The following C4orf51 variants were observed in gnomAD, a reference collection of about 807,000 sequenced individuals.
The protein encoded by C4orf51 is chromosome 4 open reading frame 51, also known as uncharacterized protein C4orf51.
In C4orf51, 25 loss-of-function variants were observed where a neutral mutation model predicts 25.2. That is an observed-to-expected ratio of 0.99 (90% CI 0.72 to 1.39). C4orf51 has a LOEUF of 1.39. Among genes scored for constraint, C4orf51 ranks in the 40% most tolerant of loss-of-function variants. The probability of loss-of-function intolerance (pLI) is 0.00; values close to 1 mark genes in which losing one functional copy is unlikely to be tolerated. For synonymous variants in C4orf51, 100 were observed against 84.5 expected (o/e 1.18, Z -1.01); for missense variants, 252 against 239.6 (o/e 1.05, Z -0.34).
chr4:145,732,393 C>A, intron 5 of C4orf51, 60 bp from the exon 6 acceptor site: 1 of 1,035,408 alleles, frequency 9.7e-7, no homozygotes, highest in South Asian at 1.4e-5. Flanking sequence ...ATTCCCAATT[C>A]TGTGGAAAAG....
intron 1 of C4orf51, among the ~76,000 whole-genome samples, chr4:145,739,161 T>C (rs1057171060): frequency 1.3e-5 from 2 of 152,258 alleles, no homozygotes; most frequent in East Asian, 1.9e-4. Context: ...CTTTCTTTTA[T>C]GGCTAATAGC....
the C4orf51 span, among the ~76,000 whole-genome samples, chr4:145,785,159 G>A: frequency 2.0e-3 from 300 of 152,252 alleles, 1 homozygote; most frequent in African/African-American, 6.8e-3. Context: ...TAAGGAGAAC[G>A]ATCTCATCTT....
intron 1 of C4orf51, among the ~76,000 whole-genome samples, chr4:145,688,638 C>T (rs1299452846): frequency 6.6e-6 from 1 of 152,178 alleles, no homozygotes; most frequent in Non-Finnish European, 1.5e-5. Context: ...GAGGCCTCTC[C>T]AGCCATGTGG....
At chr4:145,699,465 C>T (rs934027611) in intron 2 of C4orf51, among the ~76,000 whole-genome samples, 5 of 151,962 alleles carry the variant, frequency 3.3e-5, no homozygotes, top group South Asian at 4.2e-4. Context: ...CCTCACTATC[C>T]GTCAACCTCT....
At chr4:145,693,807 C>A (rs1729792740) in intron 1 of C4orf51, among the ~76,000 whole-genome samples, 1 of 73,198 alleles carries the variant, frequency 1.4e-5, no homozygotes, top group Non-Finnish European at 2.7e-5. Flanking sequence ...GCGCCCCTCA[C>A]CTCCCGGACG....
Position 145,752,344 on chromosome 4 carries a change from A to G in C4orf51, n.168-1863A>G, listed in dbSNP as rs546432530. 1.3e-4 allele frequency among the ~76,000 whole-genome samples: 20 copies of G among 152,292 alleles called. No individual in the cohort carries two copies. In the South Asian group the frequency reaches 3.1e-3, roughly 24 times the overall value. ...ATCGCTGCTGGTTATGCAGGACCCA[A>G]GGGATCTTTAGTCAGCAGGTGATGA... is the stretch of plus-strand genomic sequence containing the variant. On this transcript the variant is annotated intron_variant and non_coding_transcript_variant, in intron 1 of 1. Coordinates refer to the C4orf51 transcript ENST00000508981.
At chr4:145,727,057 G>T (rs1431545682) in intron 3 of C4orf51, 88 bp downstream of exon 3, 37 of 1,066,070 alleles carry the variant, frequency 3.5e-5, no homozygotes, top group Non-Finnish European at 4.4e-5. Flanking sequence ...AAACAAAAGG[G>T]GTTAAATTTT....
In C4orf51 at chr4:145,765,858, G is replaced by T; in HGVS notation, n.167-5130G>T. The T allele has an allele frequency of 9.9e-7, 1 of 1,010,514 alleles. No individual in the cohort carries two copies. The highest frequency in any genetic ancestry group is 1.4e-6 in the Non-Finnish European group (1 of 707,468). 62.6% of individuals were successfully genotyped at this position (1,010,514 alleles called of 1,614,324 possible). ...CATCATTCTGGGGGCACAGGCTCAT[G>T]TCCCCAGCTCCCCCACTGCTGGGGG... On this transcript the variant is annotated intron_variant and non_coding_transcript_variant, in intron 1 of 1. Coordinates refer to the C4orf51 transcript ENST00000510096. The surrounding 1 kb of genome is among the most constrained non-coding windows in gnomAD (Gnocchi z 4.7).
At chr4:145,751,657 T>TTA (rs1733683360) in intron 1 of C4orf51, among the ~76,000 whole-genome samples, 1 of 152,176 alleles carries the variant, frequency 6.6e-6, no homozygotes, top group African/African-American at 2.4e-5. Flanking sequence ...GTACTTATGT[T>TTA]TGCTCAGGGC....
At position 145,765,871 on chromosome 4, in the gene C4orf51, C is replaced by G; in HGVS notation, n.167-5117C>G. On this transcript the variant is annotated intron_variant and non_coding_transcript_variant, in intron 1 of 1. Coordinates refer to the C4orf51 transcript ENST00000510096. This position sits in a 1 kb window ranked among gnomAD's most constrained non-coding sequence, Gnocchi z 4.7. ...GCACAGGCTCATGTCCCCAGCTCCC[C>G]CACTGCTGGGGGATCCCAGGTCCTA... 1.1e-6 allele frequency: 1 copy of G among 887,008 alleles called. No individual in the cohort carries two copies. The highest frequency in any genetic ancestry group is 1.9e-5 in the South Asian group (1 of 52,844). 54.9% of individuals were successfully genotyped at this position (887,008 alleles called of 1,614,324 possible).
intron 3 of C4orf51, among the ~76,000 whole-genome samples, chr4:145,728,047 T>C (rs200240286): frequency 2.1e-3 from 275 of 133,344 alleles, no homozygotes; most frequent in East Asian, 0.011. Flanking sequence ...AATATATATA[T>C]ACACACACAC....
chr4:145,751,404 T>G (rs1733667493), intron 1 of C4orf51, among the ~76,000 whole-genome samples: 1 of 152,188 alleles, frequency 6.6e-6, no homozygotes, highest in Non-Finnish European at 1.5e-5. Flanking sequence ...AGGTACCGCC[T>G]TGGTGATCTT....
chr4:145,761,456 G>C lies in C4orf51; in HGVS notation n.167-9532G>C. On this transcript the variant is annotated intron_variant and non_coding_transcript_variant, in intron 1 of 1. Coordinates refer to the C4orf51 transcript ENST00000510096. This position sits in a 1 kb window ranked among gnomAD's most constrained non-coding sequence, Gnocchi z 6.8. ...CACTTGTAGTGGTTGCCCAGGCGGT[G>C]CTCCCGGGTGTGCGTCTCCAGCTCC... The C allele has an allele frequency of 1.6e-6, 2 of 1,289,866 alleles. No individual in the cohort carries two copies. The highest frequency in any genetic ancestry group is 2.0e-6 in the Non-Finnish European group (2 of 988,874). The allele number at this position is 1,289,866 out of a possible 1,614,324, so 79.9% of individuals were successfully genotyped here. A position where few individuals can be genotyped will look rare whatever the true frequency, so the allele number is the denominator to read the frequency against.
intron 2 of C4orf51, among the ~76,000 whole-genome samples, chr4:145,709,057 G>T (rs1312304619): frequency 2.0e-5 from 3 of 152,162 alleles, no homozygotes; most frequent in African/African-American, 7.2e-5. Flanking sequence ...CTCATGGGAA[G>T]CCTTCATATG....
At chr4:145,741,689 T>A (rs1733108000) in intron 1 of C4orf51, among the ~76,000 whole-genome samples, 2 of 152,082 alleles carry the variant, frequency 1.3e-5, no homozygotes, top group African/African-American at 2.4e-5. Context: ...TTTCTTTTTT[T>A]CTTTTCTTTT....
chr4:145,759,265 T>G (rs778646222), downstream of C4orf51: 2 of 152,242 alleles, frequency 1.3e-5, no homozygotes, highest in Non-Finnish European at 2.9e-5. Context: ...ATGAACATAT[T>G]CAGCCAAAGA....
At chr4:145,729,490 A>G (rs1187621927) in intron 4 of C4orf51, among the ~76,000 whole-genome samples, 1 of 151,678 alleles carries the variant, frequency 6.6e-6, no homozygotes, top group East Asian at 1.9e-4. Context: ...TTTAGTAGAG[A>G]CGGGGTTTCA....
chr4:145,729,638 T>C (rs1279784918), intron 4 of C4orf51, among the ~76,000 whole-genome samples: 1 of 152,178 alleles, frequency 6.6e-6, no homozygotes, highest in Non-Finnish European at 1.5e-5. Context: ...GCATTTCTGC[T>C]TCCTTCCTCC....
the C4orf51 span, among the ~76,000 whole-genome samples, chr4:145,790,627 CA>C: frequency 6.6e-6 from 1 of 152,116 alleles, no homozygotes; most frequent in Admixed American, 6.5e-5. Flanking sequence ...GATTGGAATC[CA>C]CTGGTATCCT....
Sources: gnomAD v4.1 joint callset for allele counts (sites outside exome capture counted in the v4.1 genomes callset) on GRCh38, gnomAD v4.1.1 for gene constraint, Gnocchi (gnomAD v3.1) non-coding constraint, MANE v1.5 for transcripts, NCBI Gene and HGNC (gene_info 2026-07-23, HGNC 2026-07-21) for gene names.